DOCK1: variants seen among roughly 807,000 people sequenced by gnomAD.
The protein encoded by DOCK1 is dedicator of cytokinesis 1.
In DOCK1, 138 loss-of-function variants were observed where a neutral mutation model predicts 262.7. The ratio of observed to expected loss-of-function variants is 0.53; its 90% CI spans 0.46 to 0.61. The LOEUF is 0.61. Among genes scored for constraint, DOCK1 ranks in the 20% least tolerant of loss-of-function variants. DOCK1 has a pLI of 0.00. For synonymous variants in DOCK1, 866 were observed against 867.4 expected (o/e 1.00, Z 0.03); for missense variants, 1,908 against 2,370.7 (o/e 0.80, Z 4.05).
intron 27 of DOCK1, among the ~76,000 whole-genome samples, chr10:127,172,593 C>T (rs529704493): frequency 1.3e-5 from 2 of 152,238 alleles, no homozygotes; most frequent in South Asian, 4.2e-4. Context: ...ATAAGGTGGC[C>T]TTGAATTTTG....
chr10:127,342,562 C>T (rs944378334), intron 30 of DOCK1, among the ~76,000 whole-genome samples: 4 of 152,284 alleles, frequency 2.6e-5, no homozygotes, highest in Non-Finnish European at 5.9e-5. Context: ...TGGATAAATG[C>T]AAGCCCAACA....
chr10:126,986,815 C>A (rs565626586), intron 4 of DOCK1, among the ~76,000 whole-genome samples: 75 of 152,246 alleles, frequency 4.9e-4, no homozygotes, highest in African/African-American at 1.8e-3. Context: ...GAGGCTGAAG[C>A]AGGAGAATCG....
At chr10:126,975,310 TGTCCATC>T (rs1279077243) in intron 2 of DOCK1, among the ~76,000 whole-genome samples, 1 of 152,142 alleles carries the variant, frequency 6.6e-6, no homozygotes, top group Non-Finnish European at 1.5e-5. Flanking sequence ...GAGCATCCCA[TGTCCATC>T]TCACTCTGCA....
chr10:127,018,717 G>A lies in DOCK1; in HGVS notation c.1209G>A (p.Trp403Ter). ...KEVNHKGQGL[W>*]VTLKLLPGDI... is the part of the protein sequence containing the mutation. The stretch of plus-strand genomic sequence containing the variant: ...CATCCATTGTTTTTCCAGGTTTGTG[G>A]GTAACATTGAAATTACTTCCTGGAG... Residue 403 changes from tryptophan (W) to a stop codon, truncating the protein, a stop_gained, in exon 13 of 52, where the codon TGG becomes TGA. Coordinates refer to ENST00000623213, the MANE Select transcript of DOCK1 (RefSeq NM_001290223.2). LOFTEE classifies it high-confidence loss of function. 2 of 1,614,000 alleles carry A rather than the reference G, an allele frequency of 1.2e-6. No homozygotes were observed. The highest frequency in any genetic ancestry group is 1.7e-6 in the Non-Finnish European group (2 of 1,179,894).
intron 29 of DOCK1, among the ~76,000 whole-genome samples, chr10:127,258,099 G>A (rs2059890244): frequency 6.6e-6 from 1 of 152,146 alleles, no homozygotes; most frequent in Admixed American, 6.5e-5. Context: ...TTGTGTATAA[G>A]GGAGTCGATG....
intron 8 of DOCK1, chr10:126,998,753 G>A: frequency 6.3e-6 from 1 of 157,938 alleles, no homozygotes; most frequent in South Asian, 1.9e-4. Context: ...AACACTGTAA[G>A]TCTATTTTTT....
intron 22 of DOCK1, among the ~76,000 whole-genome samples, chr10:127,057,852 G>A (rs887481805): frequency 1.3e-5 from 2 of 152,140 alleles, no homozygotes; most frequent in South Asian, 2.1e-4. Flanking sequence ...ATCATTCCCT[G>A]GGTCACAAAA....
At chr10:127,313,947 T>C (rs2062163687) in intron 29 of DOCK1, among the ~76,000 whole-genome samples, 1 of 152,192 alleles carries the variant, frequency 6.6e-6, no homozygotes, top group Non-Finnish European at 1.5e-5. Context: ...GATGTGCACA[T>C]CGATTTGTTC....
chr10:126,947,349 G>T (rs1194837330), intron 1 of DOCK1, among the ~76,000 whole-genome samples: 2 of 125,002 alleles, frequency 1.6e-5, no homozygotes, highest in Non-Finnish European at 3.3e-5. Context: ...GTTGGTGATG[G>T]TGGTGGTTGG....
At chr10:127,338,674 A>T (rs778550286) in intron 29 of DOCK1, among the ~76,000 whole-genome samples, 1 of 152,204 alleles carries the variant, frequency 6.6e-6, no homozygotes, top group Non-Finnish European at 1.5e-5. Flanking sequence ...ACATTAAGAC[A>T]TGGCAACTTG....
intron 27 of DOCK1, among the ~76,000 whole-genome samples, chr10:127,237,446 CA>C (rs886265647): frequency 2.8e-4 from 43 of 151,712 alleles, no homozygotes; most frequent in African/African-American, 9.7e-4. Flanking sequence ...GGCAGGGAAG[CA>C]AGATATTTGT....
At position 127,343,624 on chromosome 10, in the gene DOCK1, TCTC is replaced by T; in HGVS notation, c.3124-16_3124-14del. ...TATCAAGCTGTTCAACAACTTAGCA[TCTC>T]CTCCTTTTTGGTTTTCAGCTGTGGA... is the stretch of plus-strand genomic sequence containing the variant. On this transcript the variant is annotated intron_variant, in intron 30 of 51. Transcript: ENST00000623213. 1 of 1,584,874 alleles carries T rather than the reference TCTC, an allele frequency of 6.3e-7. No individual in the cohort carries two copies. The highest frequency in any genetic ancestry group is 8.6e-7 in the Non-Finnish European group (1 of 1,161,772).
chr10:127,419,635 T>A, intron 45 of DOCK1, 31 bp from the exon 46 acceptor site: 3 of 1,573,808 alleles, frequency 1.9e-6, no homozygotes, highest in Non-Finnish European at 2.6e-6. Flanking sequence ...GCTGAGCAGG[T>A]GCACTGAGCA....
chr10:127,317,550 GAC>G (rs948373637), intron 29 of DOCK1, among the ~76,000 whole-genome samples: 4 of 152,188 alleles, frequency 2.6e-5, no homozygotes, highest in African/African-American at 7.2e-5. Context: ...GTGGAGAGAA[GAC>G]ACAGTGTCCG....
intron 1 of DOCK1, among the ~76,000 whole-genome samples, chr10:126,965,179 ACTT>A (rs1349367171): frequency 2.0e-5 from 3 of 152,110 alleles, no homozygotes; most frequent in Non-Finnish European, 4.4e-5. Context: ...TCTGCGTGTA[ACTT>A]CTTCTTGGTA....
chr10:127,404,426 G>A lies in DOCK1; in HGVS notation c.4119G>A (p.Leu1373=), dbSNP rs373920654. 8.1e-6 allele frequency: 13 copies of A among 1,612,920 alleles called. No individual in the cohort carries two copies. The African/African-American group carries it at 1.6e-4, about 20-fold the overall frequency. Residue 1373 remains leucine, a synonymous_variant, in exon 40 of 52, where the codon CTG becomes CTA. Coordinates refer to ENST00000623213, the MANE Select transcript of DOCK1 (RefSeq NM_001290223.2). ...GYYGQGFPTF[L]RGKVFIYRGK... is the part of the protein sequence containing the mutation. The stretch of plus-strand genomic sequence containing the variant: ...ACGGACAAGGGTTCCCCACATTCCT[G>A]CGGGTAAAGTTTGGTTCTGCCTAAT...
intron 48 of DOCK1, among the ~76,000 whole-genome samples, chr10:127,434,054 C>G (rs1387291377): frequency 6.6e-6 from 1 of 152,032 alleles, no homozygotes; most frequent in Non-Finnish European, 1.5e-5. Flanking sequence ...CTGGTGTGGT[C>G]TGACCATGAC....
In DOCK1 at chr10:127,446,664, C is replaced by T. The variant is rs562567217; in HGVS notation, c.5414-730C>T. On this transcript the variant is annotated intron_variant, in intron 50 of 51. Transcript: ENST00000623213. The surrounding 1 kb of genome is among the most constrained non-coding windows in gnomAD (Gnocchi z 4.4). ...CTAGGGGAAAACTCCAAAAGAGACTCATCAGTAAAAATGTCCATTTTTCTC... is the reference window on the plus strand; with the variant it reads ...CTAGGGGAAAACTCCAAAAGAGACTTATCAGTAAAAATGTCCATTTTTCTC... Among the ~76,000 whole-genome samples, 14 of 152,210 alleles carry T rather than the reference C, an allele frequency of 9.2e-5. No homozygotes were observed. Among genetic ancestry groups the T allele is most frequent in the African/African-American group, 2.6e-4 (11 of 41,540 alleles).
chr10:127,010,785 A>T (rs925690552), intron 11 of DOCK1, among the ~76,000 whole-genome samples: 1 of 152,198 alleles, frequency 6.6e-6, no homozygotes, highest in Non-Finnish European at 1.5e-5. Flanking sequence ...TATAATATTA[A>T]ATTGCCTCAT....
Sources: allele counts gnomAD v4.1 joint callset (sites outside exome capture counted in the v4.1 genomes callset), GRCh38; gene constraint gnomAD v4.1.1; non-coding constraint Gnocchi (gnomAD v3.1); transcripts MANE v1.5; gene names NCBI Gene and HGNC (gene_info 2026-07-23, HGNC 2026-07-21).